Variants in GTF3C1 observed in about 807,000 individuals in gnomAD.
GTF3C1 encodes general transcription factor IIIC subunit 1.
Under a neutral mutation model 226.7 loss-of-function variants are expected in GTF3C1, and 57 were observed. The observed-to-expected ratio is 0.25, with a 90% CI of 0.20 to 0.31. GTF3C1 has a LOEUF of 0.31. Ranked by LOEUF, GTF3C1 falls within the 10% of genes least tolerant of loss-of-function variation. The probability of loss-of-function intolerance (pLI) is 1.00; values close to 1 mark genes in which losing one functional copy is unlikely to be tolerated. For synonymous variants in GTF3C1, 1,090 were observed against 1,084.8 expected (o/e 1.00, Z -0.09); for missense variants, 2,217 against 2,776.1 (o/e 0.80, Z 4.53).
chr16:27,482,460 T>G, intron 26 of GTF3C1: 1 of 456,040 alleles, frequency 2.2e-6, no homozygotes, highest in Non-Finnish European at 4.4e-6. Flanking sequence ...TTCCGGGAGC[T>G]GACTACACTG....
At chr16:27,514,053 G>A (rs1488804951) in intron 6 of GTF3C1, among the ~76,000 whole-genome samples, 3 of 152,192 alleles carry the variant, frequency 2.0e-5, no homozygotes, top group African/African-American at 7.2e-5. Flanking sequence ...GGAGATGCCT[G>A]GAACTCAACA....
chr16:27,489,576 C>A (rs751144989), intron 20 of GTF3C1, 26 bp downstream of exon 20: 5 of 1,577,236 alleles, frequency 3.2e-6, no homozygotes, highest in Non-Finnish European at 3.4e-6. Flanking sequence ...CAGTCCTGGC[C>A]GGCCGCGCTT....
At chr16:27,539,398 G>A (rs898152981) in intron 2 of GTF3C1, among the ~76,000 whole-genome samples, 2 of 152,208 alleles carry the variant, frequency 1.3e-5, no homozygotes, top group African/African-American at 4.8e-5. Flanking sequence ...TCATTTCTGT[G>A]CTGACACCTA....
intron 2 of GTF3C1, among the ~76,000 whole-genome samples, chr16:27,541,759 T>A (rs537841119): frequency 6.6e-6 from 1 of 151,848 alleles, no homozygotes; most frequent in African/African-American, 2.4e-5. Flanking sequence ...CAGTGCAGAG[T>A]GAAGAAACTG....
At chr16:27,518,007 G>A (rs2088686586) in intron 6 of GTF3C1, among the ~76,000 whole-genome samples, 1 of 152,154 alleles carries the variant, frequency 6.6e-6, no homozygotes, top group Admixed American at 6.5e-5. Context: ...AAATCCATCT[G>A]GCTTCCTGGC....
chr16:27,528,094 C>T (rs779324444), intron 6 of GTF3C1, among the ~76,000 whole-genome samples: 5 of 151,916 alleles, frequency 3.3e-5, no homozygotes, highest in African/African-American at 9.7e-5. Flanking sequence ...GCCAGCATGG[C>T]GAAACGCTGT....
In GTF3C1 at chr16:27,461,344, G is replaced by A. The variant is rs1179844552; in HGVS notation, c.*6C>T. On this transcript the variant is annotated 3_prime_UTR_variant, in exon 37 of 37. Transcript: ENST00000356183. This position sits in a 1 kb window ranked among gnomAD's most constrained non-coding sequence, Gnocchi z 5.3. ...GGCTGGGAGGGAGGGGACGCCCACA[G>A]GGGTCCTAGAGGTGGATCCACTTGT... 1 of 1,584,744 alleles carries A rather than the reference G, an allele frequency of 6.3e-7. No individual in the cohort carries two copies.
chr16:27,538,376 G>T lies in GTF3C1; in HGVS notation c.432-20C>A. ...CCCCACCTGCAAATCGGAAACAATC[G>T]CATGAAGAAATAAGTTTAACTGATT... On this transcript the variant is annotated intron_variant, in intron 2 of 36. Transcript: ENST00000356183. The T allele has an allele frequency of 1.4e-6, 2 of 1,468,086 alleles. No individual in the cohort carries two copies. The highest frequency in any genetic ancestry group is 1.4e-5 in the African/African-American group (1 of 70,148). 90.9% of individuals were successfully genotyped at this position (1,468,086 alleles called of 1,614,324 possible). A position where few individuals can be genotyped will look rare whatever the true frequency, so the allele number is the denominator to read the frequency against.
chr16:27,505,880 T>G lies in GTF3C1; in HGVS notation c.1770+19A>C. 7.3e-7 allele frequency: 1 copy of G among 1,376,448 alleles called. No individual in the cohort carries two copies. The highest frequency in any genetic ancestry group is 1.0e-6 in the Non-Finnish European group (1 of 963,516). The allele number at this position is 1,376,448 out of a possible 1,614,324, so 85.3% of individuals were successfully genotyped here. On this transcript the variant is annotated intron_variant, in intron 10 of 36. Transcript: ENST00000356183. Reference sequence around the variant, plus strand: ...AGACTCCTTCTTGGAGACAGCTCCCTCCCTCTGCATGCACTGACCTTTGGG... The same window carrying G: ...AGACTCCTTCTTGGAGACAGCTCCCGCCCTCTGCATGCACTGACCTTTGGG...
chr16:27,517,733 T>G (rs894618645), intron 6 of GTF3C1, among the ~76,000 whole-genome samples: 5 of 152,206 alleles, frequency 3.3e-5, no homozygotes, highest in Non-Finnish European at 7.3e-5. Context: ...GAGCACCTAG[T>G]ATGAGCCAGC....
At position 27,461,491 on chromosome 16, in the gene GTF3C1, T is replaced by C. The variant is rs779637083; in HGVS notation, c.6189A>G (p.Thr2063=). The stretch of plus-strand genomic sequence containing the variant: ...GCACTTCCACCTCTTCCACCACGGG[T>C]GTAGAGAAGAGCGAGACAGGCCTTG... ...RKPRPVSLFS[T]PVVEEVEVPS... Residue 2063 remains threonine (T), a synonymous_variant, in exon 37 of 37, where the codon ACA becomes ACG. Transcript: ENST00000356183. The surrounding 1 kb of genome is among the most constrained non-coding windows in gnomAD (Gnocchi z 5.3). The C allele has an allele frequency of 6.2e-7, 1 of 1,613,750 alleles. No homozygotes were observed. Among genetic ancestry groups the C allele is most frequent in the Non-Finnish European group, 8.5e-7 (1 of 1,179,824 alleles).
chr16:27,470,801 G>A lies in GTF3C1; in HGVS notation c.4527-406C>T, dbSNP rs527708697. ...ACACATGTGCCCAAGCTGTCTCCAC[G>A]CAGTGCCTGGTGAGTCACTTCCCCG... is the stretch of plus-strand genomic sequence containing the variant. On this transcript the variant is annotated intron_variant, in intron 30 of 36. Transcript: ENST00000356183. The surrounding 1 kb of genome is among the most constrained non-coding windows in gnomAD (Gnocchi z 4.9). 11 of 206,724 alleles carry A rather than the reference G, an allele frequency of 5.3e-5. No homozygotes were observed. In the East Asian group the frequency reaches 1.2e-3, roughly 22 times the overall value. The allele number at this position is 206,724 out of a possible 1,614,324, so 12.8% of individuals were successfully genotyped here. A position where few individuals can be genotyped will look rare whatever the true frequency, so the allele number is the denominator to read the frequency against.
intron 28 of GTF3C1, among the ~76,000 whole-genome samples, chr16:27,477,510 G>A (rs1223999694): frequency 2.0e-5 from 3 of 152,124 alleles, no homozygotes; most frequent in Admixed American, 1.3e-4. Context: ...TCACCATGTT[G>A]GCCAGGCTGG....
chr16:27,472,656 G>A (rs78759600), intron 29 of GTF3C1, among the ~76,000 whole-genome samples: 1,828 of 152,276 alleles, frequency 0.012, 50 homozygotes, highest in African/African-American at 0.041. Context: ...CCAGCCTCCT[G>A]GACCTTCTTA....
At chr16:27,517,043 G>A (rs996191224) in intron 6 of GTF3C1, among the ~76,000 whole-genome samples, 3 of 152,162 alleles carry the variant, frequency 2.0e-5, no homozygotes, top group African/African-American at 2.4e-5. Context: ...CTGCTGTGTC[G>A]GGTGGGCCTG....
intron 5 of GTF3C1, 84 bp downstream of exon 5, chr16:27,533,207 A>C: frequency 1.4e-6 from 1 of 690,972 alleles, no homozygotes; most frequent in Non-Finnish European, 2.7e-6. Flanking sequence ...TTTGGGTTGC[A>C]ATTCATTCCT....
intron 27 of GTF3C1, among the ~76,000 whole-genome samples, chr16:27,479,678 A>G (rs2088009172): frequency 6.6e-6 from 1 of 152,104 alleles, no homozygotes; most frequent in Non-Finnish European, 1.5e-5. Context: ...CATGTTGGCC[A>G]GGCTGGTCTC....
At chr16:27,501,868 C>T (rs527388902) in intron 11 of GTF3C1, among the ~76,000 whole-genome samples, 14 of 152,186 alleles carry the variant, frequency 9.2e-5, no homozygotes, top group African/African-American at 2.9e-4. Context: ...TTTGGGAAGC[C>T]GAGACAGGCA....
chr16:27,528,745 T>C (rs2088870155), intron 5 of GTF3C1, 24 bp from the exon 6 acceptor site: 2 of 1,609,688 alleles, frequency 1.2e-6, no homozygotes, highest in Non-Finnish European at 1.7e-6. Flanking sequence ...ATTTAAAGGC[T>C]ACTATTAGAC....
Sources: gnomAD v4.1 joint callset for allele counts (sites outside exome capture counted in the v4.1 genomes callset) on GRCh38, gnomAD v4.1.1 for gene constraint, Gnocchi (gnomAD v3.1) non-coding constraint, MANE v1.5 for transcripts, NCBI Gene and HGNC (gene_info 2026-07-23, HGNC 2026-07-21) for gene names.